The following LCORL variants were observed in gnomAD, a reference collection of about 807,000 sequenced individuals.
LCORL encodes the protein ligand-dependent nuclear receptor corepressor-like protein.
In LCORL, 41 loss-of-function variants were observed where a neutral mutation model predicts 141.8. The observed-to-expected ratio is 0.29, with a 90% CI of 0.23 to 0.38. The LOEUF (loss-of-function observed/expected upper bound fraction) is 0.38. LCORL is among the 10% of genes least tolerant of loss of function. The probability of loss-of-function intolerance (pLI) is 1.00; values close to 1 mark genes in which losing one functional copy is unlikely to be tolerated. For missense variants in LCORL, 1,759 were observed against 2,035.0 expected, an observed-to-expected ratio of 0.86 and a Z score of 2.61; for synonymous variants, 618 against 694.1, an observed-to-expected ratio of 0.89 and a Z score of 1.72.
intron 5 of LCORL, chr4:17,893,197 C>T (rs970241015): frequency 1.5e-5 from 3 of 199,036 alleles, no homozygotes; most frequent in Middle Eastern, 2.6e-3. Flanking sequence ...TTGCCCCTAC[C>T]CCTACTACCA....
At position 18,021,095 on chromosome 4, in the gene LCORL, C is replaced by G. The variant is rs1446664959; in HGVS notation, c.154+503G>C. On this transcript the variant is annotated intron_variant, in intron 1 of 7. Coordinates refer to ENST00000635767, the Ensembl canonical transcript of LCORL. The surrounding 1 kb of genome is among the most constrained non-coding windows in gnomAD (Gnocchi z 5.5). The stretch of plus-strand genomic sequence containing the variant: ...GCCCGTGGGTCTCCAGGTCCAGGTC[C>G]CCGGGAACTGGCCGCGTCTGCTCAC... Among the ~76,000 whole-genome samples the G allele has an allele frequency of 3.3e-5, 5 of 152,042 alleles. No homozygotes were observed. The highest frequency in any genetic ancestry group is 4.8e-5 in the African/African-American group (2 of 41,420).
intron 2 of LCORL, among the ~76,000 whole-genome samples, chr4:17,969,499 T>C (rs568236133): frequency 7.9e-5 from 12 of 152,294 alleles, no homozygotes; most frequent in African/African-American, 2.2e-4. Flanking sequence ...ATTTTTAAGG[T>C]AGTAGGATGA....
At chr4:17,975,878 A>T (rs769478558) in intron 1 of LCORL, among the ~76,000 whole-genome samples, 2 of 152,198 alleles carry the variant, frequency 1.3e-5, no homozygotes, top group Non-Finnish European at 2.9e-5. Flanking sequence ...GTTAATTAAG[A>T]TTTAGCTGAT....
chr4:17,848,636 A>T (rs1294537083), intron 7 of LCORL, among the ~76,000 whole-genome samples: 1 of 152,210 alleles, frequency 6.6e-6, no homozygotes, highest in Non-Finnish European at 1.5e-5. Flanking sequence ...TTTCCATCTG[A>T]GGTACCAGGT....
At chr4:17,881,934 C>G (rs965114068) in intron 6 of LCORL, 2 of 981,868 alleles carry the variant, frequency 2.0e-6, no homozygotes, top group Non-Finnish European at 2.4e-6. Context: ...AAAGATGACC[C>G]TGACATCTGC....
intron 1 of LCORL, among the ~76,000 whole-genome samples, chr4:17,995,815 G>C (rs528182900): frequency 4.6e-5 from 7 of 152,070 alleles, no homozygotes; most frequent in African/African-American, 1.7e-4. Context: ...ATGAAATATA[G>C]AATGTAATGA....
intron 4 of LCORL, among the ~76,000 whole-genome samples, chr4:17,923,729 A>C (rs1298992842): frequency 6.6e-6 from 1 of 152,128 alleles, no homozygotes; most frequent in East Asian, 1.9e-4. Context: ...ATGTAGAGGA[A>C]GGGATCCAAA....
chr4:17,977,242 T>C (rs937626293), intron 1 of LCORL, among the ~76,000 whole-genome samples: 3 of 152,188 alleles, frequency 2.0e-5, no homozygotes, highest in African/African-American at 7.2e-5. Context: ...GTTTTCATTT[T>C]TCTTGTGTAA....
intron 1 of LCORL, among the ~76,000 whole-genome samples, chr4:18,000,557 A>G (rs1357596627): frequency 6.6e-6 from 1 of 152,192 alleles, no homozygotes; most frequent in African/African-American, 2.4e-5. Context: ...ATGTTTTGAT[A>G]CAGTTACATA....
intron 4 of LCORL, chr4:17,911,924 T>C (rs897983884): frequency 3.7e-6 from 2 of 542,580 alleles, no homozygotes; most frequent in Admixed American, 2.1e-5. Flanking sequence ...GAGGAGACCA[T>C]GCAAAGTCTG....
intron 4 of LCORL, among the ~76,000 whole-genome samples, chr4:17,942,850 G>A (rs929632905): frequency 1.3e-5 from 2 of 150,480 alleles, no homozygotes; most frequent in African/African-American, 5.0e-5. Flanking sequence ...CAGGAGGTGA[G>A]CAGCCAGCAA....
intron 5 of LCORL, among the ~76,000 whole-genome samples, chr4:17,891,803 T>G (rs1186423643): frequency 6.6e-6 from 1 of 152,132 alleles, no homozygotes; most frequent in Non-Finnish European, 1.5e-5. Context: ...ACTGTGGAAG[T>G]AAATATACAA....
intron 1 of LCORL, among the ~76,000 whole-genome samples, chr4:17,975,023 A>G (rs1472756389): frequency 6.6e-6 from 1 of 152,000 alleles, no homozygotes; most frequent in East Asian, 1.9e-4. Flanking sequence ...ACAAAAGATC[A>G]ATTTTTGGTT....
chr4:17,965,088 G>A (rs933045594), intron 2 of LCORL, among the ~76,000 whole-genome samples: 20 of 152,012 alleles, frequency 1.3e-4, no homozygotes, highest in Non-Finnish European at 1.9e-4. Flanking sequence ...AGATATTTTA[G>A]GAGTTCTTCA....
At chr4:17,911,870 G>A (rs1404432005) in intron 4 of LCORL, 3 of 470,420 alleles carry the variant, frequency 6.4e-6, no homozygotes, top group African/African-American at 4.0e-5. Flanking sequence ...CTGGCCGTGG[G>A]GATGGCCGGG....
intron 4 of LCORL, among the ~76,000 whole-genome samples, chr4:17,952,037 TAACCAG>T (rs1188859172): frequency 3.3e-5 from 5 of 152,330 alleles, no homozygotes; most frequent in Admixed American, 2.6e-4. Flanking sequence ...ACTATAATAC[TAACCAG>T]TCATATAGCA....
chr4:17,889,582 C>T lies in LCORL; in HGVS notation c.683-3421G>A, dbSNP rs1728792232. On this transcript the variant is annotated intron_variant, in intron 5 of 7. Coordinates refer to ENST00000635767, the Ensembl canonical transcript of LCORL. ...TTGTTAGCAGTATTAACCATCTATACTATTTTGCTGATAGCATGATTCCCT... is the reference window on the plus strand; with the variant it reads ...TTGTTAGCAGTATTAACCATCTATATTATTTTGCTGATAGCATGATTCCCT... Among the ~76,000 whole-genome samples, 3 of 152,030 alleles carry T rather than the reference C, an allele frequency of 2.0e-5. No homozygotes were observed. In the South Asian group the frequency reaches 6.2e-4, roughly 32 times the overall value.
chr4:17,865,331 T>C (rs750548652), intron 7 of LCORL, among the ~76,000 whole-genome samples: 1 of 152,014 alleles, frequency 6.6e-6, no homozygotes, highest in Non-Finnish European at 1.5e-5. Context: ...GTACCAGAAA[T>C]ATATCTGAAA....
At chr4:17,940,216 A>G (rs1737707507) in intron 4 of LCORL, among the ~76,000 whole-genome samples, 1 of 148,216 alleles carries the variant, frequency 6.7e-6, no homozygotes, top group Non-Finnish European at 1.5e-5. Flanking sequence ...AGGTAGATAT[A>G]TATGTATATA....
Sources: allele counts gnomAD v4.1 joint callset (sites outside exome capture counted in the v4.1 genomes callset), GRCh38; gene constraint gnomAD v4.1.1; non-coding constraint Gnocchi (gnomAD v3.1); transcripts MANE v1.5; gene names NCBI Gene and HGNC (gene_info 2026-07-23, HGNC 2026-07-21).